NFIA: variants seen among roughly 807,000 people sequenced by gnomAD.
NFIA encodes nuclear factor 1 A-type.
A neutral mutation model predicts 62.8 loss-of-function variants in NFIA; 8 were observed. The observed-to-expected ratio is 0.13, with a 90% CI of 0.07 to 0.23. NFIA has a LOEUF of 0.23. Among genes scored for constraint, NFIA ranks in the 10% least tolerant of loss-of-function variants. The probability of loss-of-function intolerance (pLI) is 1.00; values close to 1 mark genes in which losing one functional copy is unlikely to be tolerated. For synonymous variants in NFIA, 235 were observed against 238.1 expected (o/e 0.99, Z 0.12); for missense variants, 410 against 642.1 (o/e 0.64, Z 3.91).
At position 61,088,708 on chromosome 1, in the gene NFIA, ACTTT is replaced by A. The variant is rs756606958; in HGVS notation, c.559+32_559+35del. On this transcript the variant is annotated intron_variant, in intron 2 of 10. Transcript: ENST00000403491. This position sits in a 1 kb window ranked among gnomAD's most constrained non-coding sequence, Gnocchi z 4.5. ...AAGTGCGATGGTGAGAATTCCTCCC[ACTTT>A]CTTGTGTGTGTTTCTTTCCTGATGG... 28 of 1,585,742 alleles carry A rather than the reference ACTTT, an allele frequency of 1.8e-5. No individual in the cohort carries two copies. The South Asian group carries it at 2.0e-4, about 12-fold the overall frequency.
chr1:61,091,342 C>CTT lies in NFIA; in HGVS notation c.559+2672_559+2673dup, dbSNP rs58806413. Among the ~76,000 whole-genome samples, 5 of 147,346 alleles carry CTT rather than the reference C, an allele frequency of 3.4e-5. No individual in the cohort carries two copies. The East Asian group carries it at 5.9e-4, about 17-fold the overall frequency. On this transcript the variant is annotated intron_variant, in intron 2 of 10. Transcript: ENST00000403491. The stretch of plus-strand genomic sequence containing the variant: ...TACTAGAAGCAAATGCAGAATCAAT[C>CTT]TTTTTTTTTTTAAAGCGGAGGTGAT...
intron 2 of NFIA, among the ~76,000 whole-genome samples, chr1:61,169,385 C>G (rs910396339): frequency 1.3e-5 from 2 of 152,164 alleles, no homozygotes; most frequent in Non-Finnish European, 2.9e-5. Context: ...GTTTGTCCCC[C>G]CAAGGAATGC....
chr1:61,224,408 T>A (rs1482006544), intron 2 of NFIA, among the ~76,000 whole-genome samples: 2 of 152,000 alleles, frequency 1.3e-5, no homozygotes, highest in African/African-American at 4.8e-5. Context: ...TATTAGAGGG[T>A]CTGAGAACTT....
intron 1 of NFIA, among the ~76,000 whole-genome samples, 175 bp downstream of exon 1, chr1:61,082,993 G>A (rs1646143370): frequency 1.4e-5 from 2 of 146,206 alleles, no homozygotes; most frequent in African/African-American, 2.5e-5. Flanking sequence ...CGCGGGTGGG[G>A]GGGGGGATCC....
intron 7 of NFIA, among the ~76,000 whole-genome samples, chr1:61,393,730 G>T (rs776789186): frequency 9.2e-5 from 14 of 152,098 alleles, no homozygotes; most frequent in Admixed American, 2.6e-4. Flanking sequence ...AGAAGAAGGG[G>T]TGAAGAACTG....
chr1:61,252,475 G>T (rs777376466), intron 2 of NFIA, among the ~76,000 whole-genome samples: 11 of 152,206 alleles, frequency 7.2e-5, no homozygotes, highest in Non-Finnish European at 1.0e-4. Context: ...GCCTTGGAAA[G>T]AATCAGTAAA....
At chr1:61,362,516 G>A (rs1310877018) in intron 6 of NFIA, among the ~76,000 whole-genome samples, 1 of 152,192 alleles carries the variant, frequency 6.6e-6, no homozygotes, top group South Asian at 2.1e-4. Flanking sequence ...AAGGTTGCCA[G>A]AAGAGACAAA....
chr1:61,291,532 A>G (rs974830248), intron 3 of NFIA, among the ~76,000 whole-genome samples: 13 of 152,218 alleles, frequency 8.5e-5, no homozygotes, highest in African/African-American at 3.1e-4. Context: ...TTGTTTGAAT[A>G]TGTTAATTTG....
At chr1:61,453,097 A>G (rs1037890690) in intron 10 of NFIA, among the ~76,000 whole-genome samples, 8 of 152,138 alleles carry the variant, frequency 5.3e-5, no homozygotes, top group East Asian at 3.9e-4. Flanking sequence ...ATATACAACA[A>G]TGTTGGTTTT....
intron 2 of NFIA, among the ~76,000 whole-genome samples, chr1:61,168,920 A>G (rs1457513401): frequency 6.6e-6 from 1 of 152,226 alleles, no homozygotes; most frequent in Non-Finnish European, 1.5e-5. Flanking sequence ...AAGTTTGTTT[A>G]GAAAACAAAG....
intron 2 of NFIA, among the ~76,000 whole-genome samples, chr1:61,158,942 T>C (rs777900460): frequency 6.6e-6 from 1 of 152,228 alleles, no homozygotes; most frequent in African/African-American, 2.4e-5. Context: ...AAAGAAATGG[T>C]GTACTTTCTG....
Position 61,403,822 on chromosome 1 carries a change from A to G in NFIA, c.1076-282A>G, listed in dbSNP as rs1665685641. 2.6e-5 allele frequency among the ~76,000 whole-genome samples: 4 copies of G among 152,208 alleles called. No homozygotes were observed. In the South Asian group the frequency reaches 8.3e-4, roughly 32 times the overall value. On this transcript the variant is annotated intron_variant, in intron 7 of 10. Transcript: ENST00000403491. ...GCTTCATTAAAAAGGCTCTTAAGGT[A>G]ATGAATAATCTTCAGCCTCACCAAG...
chr1:61,346,293 G>A (rs984557815), intron 4 of NFIA, among the ~76,000 whole-genome samples: 9 of 152,122 alleles, frequency 5.9e-5, no homozygotes, highest in African/African-American at 1.9e-4. Context: ...CGACTGCATC[G>A]TTTTTATAGC....
intron 3 of NFIA, among the ~76,000 whole-genome samples, chr1:61,302,217 C>CA: frequency 6.6e-6 from 1 of 152,208 alleles, no homozygotes; most frequent in East Asian, 1.9e-4. Context: ...GGGTACTCTA[C>CA]AAAAGTCTTG....
intron 2 of NFIA, among the ~76,000 whole-genome samples, chr1:61,197,214 G>A (rs1267387260): frequency 2.0e-5 from 3 of 148,138 alleles, no homozygotes; most frequent in Non-Finnish European, 4.5e-5. Context: ...AGTTTGGCAT[G>A]CTTATTTACT....
rs71050120 is a variant in NFIA at position 61,333,047 on chromosome 1, G to GCACACACA, written c.700+474_700+481dup. On this transcript the variant is annotated intron_variant, in intron 4 of 10. Coordinates refer to ENST00000403491, the MANE Select transcript of NFIA (RefSeq NM_001134673.4). ...TGTTATGACATAATCTAGCATGCAC[G>GCACACACA]CACACACACACACACACACATACAC... Among the ~76,000 whole-genome samples the GCACACACA allele has an allele frequency of 5.8e-3, 838 of 144,760 alleles. 4 individuals are homozygous for GCACACACA. The highest frequency in any genetic ancestry group is 0.012 in the South Asian group (54 of 4,420). 95.0% of individuals were successfully genotyped at this position (144,760 alleles called of 152,430 possible).
intron 2 of NFIA, among the ~76,000 whole-genome samples, chr1:61,164,268 G>A (rs1268620960): frequency 6.6e-6 from 1 of 151,908 alleles, no homozygotes; most frequent in Non-Finnish European, 1.5e-5. Flanking sequence ...TATGTTGAAG[G>A]TAGGATAATG....
intron 10 of NFIA, among the ~76,000 whole-genome samples, chr1:61,451,009 A>T (rs1406664714): frequency 6.6e-6 from 1 of 152,190 alleles, no homozygotes; most frequent in Non-Finnish European, 1.5e-5. Context: ...GGCCCGCATC[A>T]GCTGTGTCTT....
intron 3 of NFIA, among the ~76,000 whole-genome samples, chr1:61,317,836 A>C (rs779600180): frequency 6.6e-6 from 1 of 152,074 alleles, no homozygotes; most frequent in South Asian, 2.1e-4. Context: ...TTTTGAACAC[A>C]TTCTGTGTTC....
Sources: gnomAD v4.1 joint callset for allele counts (sites outside exome capture counted in the v4.1 genomes callset) on GRCh38, gnomAD v4.1.1 for gene constraint, Gnocchi (gnomAD v3.1) non-coding constraint, MANE v1.5 for transcripts, NCBI Gene and HGNC (gene_info 2026-07-23, HGNC 2026-07-21) for gene names.